The following CCDC73 variants were observed in gnomAD, a reference collection of about 807,000 sequenced individuals.
CCDC73 encodes the protein coiled-coil domain-containing protein 73.
Under a neutral mutation model 116.5 loss-of-function variants are expected in CCDC73, and 95 were observed. That is an observed-to-expected ratio of 0.82 (90% confidence interval 0.69 to 0.97). The LOEUF is 0.97. Ranked by LOEUF, CCDC73 falls within the 50% of genes least tolerant of loss-of-function variation. CCDC73 has a pLI of 0.00. For missense variants in CCDC73, 1,066 were observed against 1,206.8 expected (o/e 0.88, Z 1.73); for synonymous variants, 398 against 401.3 (o/e 0.99, Z 0.10).
intron 9 of CCDC73, among the ~76,000 whole-genome samples, chr11:32,666,800 T>G (rs1040602374): frequency 6.6e-6 from 1 of 152,224 alleles, no homozygotes; most frequent in African/African-American, 2.4e-5. Context: ...TTATCTACCT[T>G]TGGTCTTTGA....
intron 3 of CCDC73, among the ~76,000 whole-genome samples, chr11:32,705,071 G>GT (rs1849844245): frequency 6.6e-6 from 1 of 152,200 alleles, no homozygotes; most frequent in South Asian, 2.1e-4. Flanking sequence ...TAAAGGGGCT[G>GT]TAACGCTATA....
Position 32,602,803 on chromosome 11 carries a change from T to G in CCDC73, c.*8A>C, listed in dbSNP as rs754721044. ...ACATAATTTCACTACTGAAAGCACTTATCTACATTATTTTAATCTGTTGTT... is the reference window on the plus strand; with the variant it reads ...ACATAATTTCACTACTGAAAGCACTGATCTACATTATTTTAATCTGTTGTT... On this transcript the variant is annotated 3_prime_UTR_variant, in exon 18 of 18. Coordinates refer to ENST00000335185, the MANE Select transcript of CCDC73 (RefSeq NM_001008391.4). The G allele has an allele frequency of 1.2e-5, 18 of 1,545,308 alleles. No homozygotes were observed. Among genetic ancestry groups the G allele is most frequent in the Non-Finnish European group, 1.6e-5 (18 of 1,138,194 alleles).
At chr11:32,738,210 T>C (rs1041625018) in intron 2 of CCDC73, among the ~76,000 whole-genome samples, 4 of 152,224 alleles carry the variant, frequency 2.6e-5, no homozygotes, top group African/African-American at 9.6e-5. Context: ...TTCCTTTGGG[T>C]ATATACCTAG....
intron 1 of CCDC73, among the ~76,000 whole-genome samples, chr11:32,789,378 T>C (rs1438746140): frequency 6.6e-6 from 1 of 152,184 alleles, no homozygotes; most frequent in East Asian, 1.9e-4. Flanking sequence ...CCAATATTAA[T>C]GTAAGCAAAT....
intron 2 of CCDC73, 35 bp from the exon 3 acceptor site, chr11:32,718,182 A>T (rs1445799857): frequency 2.8e-6 from 4 of 1,442,618 alleles, no homozygotes; most frequent in Admixed American, 1.8e-5. Context: ...TGCTATAAAA[A>T]TAAAGACTTT....
At chr11:32,647,372 C>T (rs1855788036) in intron 12 of CCDC73, among the ~76,000 whole-genome samples, 3 of 152,134 alleles carry the variant, frequency 2.0e-5, no homozygotes, top group African/African-American at 7.2e-5. Context: ...GAGGACAGCA[C>T]CAAGCCATAA....
chr11:32,729,853 T>TC (rs1664948933), intron 2 of CCDC73, among the ~76,000 whole-genome samples: 1 of 152,204 alleles, frequency 6.6e-6, no homozygotes, highest in South Asian at 2.1e-4. Context: ...GCTTATTTGT[T>TC]CAACTCTAGT....
upstream of CCDC73, among the ~76,000 whole-genome samples, chr11:32,799,487 G>GT (rs1405470760): frequency 2.6e-5 from 4 of 151,634 alleles, no homozygotes; most frequent in Admixed American, 6.6e-5. Flanking sequence ...CAGCCTGTGG[G>GT]TTTTTTTTAA....
At chr11:32,659,381 C>T (rs7130754) in intron 9 of CCDC73, among the ~76,000 whole-genome samples, 39,506 of 151,984 alleles carry the variant, frequency 0.26, 5,603 homozygotes, top group South Asian at 0.35. Flanking sequence ...CTATGTATGC[C>T]GTCATGCACA....
Position 32,675,661 on chromosome 11 carries a change from A to AT in CCDC73, c.566-18dup, listed in dbSNP as rs776195215. 6.4e-7 allele frequency: 1 copy of AT among 1,556,562 alleles called. No individual in the cohort carries two copies. The highest frequency in any genetic ancestry group is 1.2e-5 in the South Asian group (1 of 83,930). ...CTTCCCGTACTGCAACATGAAAGAC[A>AT]TTTAAGAAAGCATTATATTCAATGT... is the stretch of plus-strand genomic sequence containing the variant. On this transcript the variant is annotated splice_polypyrimidine_tract_variant and intron_variant, in intron 8 of 17. Transcript: ENST00000335185.
intron 12 of CCDC73, among the ~76,000 whole-genome samples, chr11:32,645,454 CTAAT>C (rs1359896231): frequency 1.3e-5 from 2 of 151,920 alleles, no homozygotes; most frequent in Non-Finnish European, 2.9e-5. Context: ...ACCACACTGG[CTAAT>C]TTTTGTATTT....
At chr11:32,637,021 T>TTC (rs1565063195) in intron 13 of CCDC73, among the ~76,000 whole-genome samples, 2 of 131,586 alleles carry the variant, frequency 1.5e-5, no homozygotes, top group Non-Finnish European at 3.4e-5. Flanking sequence ...CTTTTTCTTT[T>TTC]TTTTTTTTTT....
At chr11:32,754,327 T>A (rs1312572199) in intron 2 of CCDC73, among the ~76,000 whole-genome samples, 1 of 152,042 alleles carries the variant, frequency 6.6e-6, no homozygotes, top group African/African-American at 2.4e-5. Flanking sequence ...AAGAGACAAT[T>A]AGAAAACAAC....
chr11:32,687,684 A>T (rs2133300136), intron 6 of CCDC73, among the ~76,000 whole-genome samples: 1 of 152,272 alleles, frequency 6.6e-6, no homozygotes, highest in African/African-American at 2.4e-5. Flanking sequence ...AAATATATAC[A>T]TATATTTCCT....
intron 1 of CCDC73, among the ~76,000 whole-genome samples, chr11:32,776,684 T>C (rs1036850178): frequency 8.6e-5 from 13 of 152,012 alleles, no homozygotes; most frequent in African/African-American, 2.9e-4. Flanking sequence ...TTCAACCCTA[T>C]AGTTTAACAA....
intron 9 of CCDC73, among the ~76,000 whole-genome samples, chr11:32,663,355 C>A (rs1323523534): frequency 6.6e-6 from 1 of 152,128 alleles, no homozygotes; most frequent in Non-Finnish European, 1.5e-5. Flanking sequence ...TCTTTTATTT[C>A]ATTGAGCAGT....
At chr11:32,724,892 C>T (rs987083445) in intron 2 of CCDC73, among the ~76,000 whole-genome samples, 2 of 152,114 alleles carry the variant, frequency 1.3e-5, no homozygotes, top group Non-Finnish European at 2.9e-5. Context: ...GTATCAAAAA[C>T]GATGTCTAAC....
chr11:32,705,114 G>A (rs1451967867), intron 3 of CCDC73, among the ~76,000 whole-genome samples: 2 of 152,338 alleles, frequency 1.3e-5, no homozygotes, highest in Non-Finnish European at 1.5e-5. Flanking sequence ...CTGGGTGGCC[G>A]CACCATTCAA....
intron 9 of CCDC73, among the ~76,000 whole-genome samples, chr11:32,671,754 A>C (rs1363014828): frequency 6.6e-6 from 1 of 152,184 alleles, no homozygotes; most frequent in African/African-American, 2.4e-5. Flanking sequence ...AAATTTTCTC[A>C]CTTTACCCTT....
Sources: gnomAD v4.1 joint callset for allele counts (sites outside exome capture counted in the v4.1 genomes callset) on GRCh38, gnomAD v4.1.1 for gene constraint, MANE v1.5 for transcripts, NCBI Gene and HGNC (gene_info 2026-07-23, HGNC 2026-07-21) for gene names.